Variants in C19orf12 observed in about 807,000 individuals in gnomAD.
The protein encoded by C19orf12 is protein C19orf12.
In C19orf12, 2 loss-of-function variants were observed where a neutral mutation model predicts 3.8. The observed-to-expected ratio is 0.53, with a 90% CI of 0.22 to 1.66. C19orf12 has a LOEUF of 1.66. C19orf12 is among the 40% of genes most tolerant of loss of function. The probability of loss-of-function intolerance (pLI) is 0.20; values close to 1 mark genes in which losing one functional copy is unlikely to be tolerated. For missense variants in C19orf12, 156 were observed against 188.8 expected, an observed-to-expected ratio of 0.83 and a Z score of 1.02; for synonymous variants, 89 against 84.6, an observed-to-expected ratio of 1.05 and a Z score of -0.28.
chr19:29,702,789 G>A lies in C19orf12; in HGVS notation c.349C>T (p.Leu117=), dbSNP rs749110864. Residue 117 remains leucine, a synonymous_variant, in exon 3 of 3, where the codon CTG becomes TTG. Coordinates refer to ENST00000323670, the MANE Select transcript of C19orf12 (RefSeq NM_031448.6). Reference sequence around the variant, plus strand: ...AGCATGGCCAGCAGCTGCTGCTGCAGGGCCTCGCTGCCCATGACCAGCGCG... The same window carrying A: ...AGCATGGCCAGCAGCTGCTGCTGCAAGGCCTCGCTGCCCATGACCAGCGCG... ...LTALVMGSEA[L]QQQLLAMLVN... 1 of 1,613,852 alleles carries A rather than the reference G, an allele frequency of 6.2e-7. No homozygotes were observed. Among genetic ancestry groups the A allele is most frequent in the Non-Finnish European group, 8.5e-7 (1 of 1,179,910 alleles).
At chr19:29,708,191 G>A (rs1972477980) in intron 2 of C19orf12, 63 bp downstream of exon 2, 1 of 1,596,104 alleles carries the variant, frequency 6.3e-7, no homozygotes, top group Admixed American at 1.7e-5. Context: ...TTCTCCCTGT[G>A]TTTCAACGGC....
rs1414834903 is a variant in C19orf12, at chr19:29,707,148, G to C, written c.160+1106C>G. Among the ~76,000 whole-genome samples, 13 of 152,318 alleles carry C rather than the reference G, an allele frequency of 8.5e-5. No individual in the cohort carries two copies. The East Asian group carries it at 2.5e-3, about 29-fold the overall frequency. ...CAGGCGGGTGGATCGCTTGTGGCCA[G>C]GAGTTTGAGACCAGCCTGGCCAAAA... On this transcript the variant is annotated intron_variant, in intron 2 of 2. Coordinates refer to ENST00000323670, the MANE Select transcript of C19orf12 (RefSeq NM_031448.6).
intron 1 of C19orf12, among the ~76,000 whole-genome samples, chr19:29,710,600 A>G (rs1234388459): frequency 6.6e-6 from 1 of 152,182 alleles, no homozygotes; most frequent in Non-Finnish European, 1.5e-5. Flanking sequence ...AAGCACCCCT[A>G]GATATGTCTT....
chr19:29,712,925 G>A (rs1972760306), intron 1 of C19orf12, among the ~76,000 whole-genome samples: 1 of 152,200 alleles, frequency 6.6e-6, no homozygotes, highest in Non-Finnish European at 1.5e-5. Context: ...CGTGTGTGAG[G>A]GCAGGCAGAG....
At chr19:29,715,596 C>T (rs1972918990), upstream of C19orf12, 1 of 211,594 alleles carries the variant, frequency 4.7e-6, no homozygotes, top group African/African-American at 2.4e-5. Flanking sequence ...TCCCGGAGAC[C>T]TCCCTCCCTT....
intron 2 of C19orf12, 125 bp from the exon 3 acceptor site, chr19:29,703,102 C>G (rs1484891474): frequency 1.1e-4 from 148 of 1,316,378 alleles, no homozygotes; most frequent in Non-Finnish European, 1.1e-6. Context: ...CTGCAGCGGG[C>G]TCAGCCGGTG....
rs766939148 is a variant in C19orf12, at chr19:29,702,968, A to G, written c.170T>C (p.Val57Ala). The G allele has an allele frequency of 8.7e-6, 14 of 1,604,314 alleles. No homozygotes were observed. Among genetic ancestry groups the G allele is most frequent in the Non-Finnish European group, 1.2e-5 (14 of 1,171,832 alleles). The change falls in exon 3 of 3, where the codon GTC becomes GCC. Residue 57 changes from valine to alanine, a missense_variant. By Grantham distance (64) the Val-to-Ala change is moderately conservative. Coordinates refer to ENST00000323670, the MANE Select transcript of C19orf12 (RefSeq NM_031448.6). ...CATCCAGGCACCTAACAGCCCCCCG[A>G]CAGCCCCCCCTAGAAAACATGGAAT... ...GPPGLAVGGA[V>A]GGLLGAWMTS... is the part of the protein sequence containing the mutation.
chr19:29,703,061 A>T, intron 2 of C19orf12, 84 bp from the exon 3 acceptor site: 4 of 1,571,150 alleles, frequency 2.5e-6, no homozygotes, highest in Non-Finnish European at 3.5e-6. Context: ...GCACACCACC[A>T]TCACCATGAG....
intron 1 of C19orf12, among the ~76,000 whole-genome samples, chr19:29,713,641 T>G (rs922353828): frequency 6.6e-6 from 1 of 152,204 alleles, no homozygotes; most frequent in Non-Finnish European, 1.5e-5. Flanking sequence ...CAAACAGTTT[T>G]GGATTAGCTC....
Position 29,708,541 on chromosome 19 carries a change from G to A in C19orf12, c.-10-118C>T, listed in dbSNP as rs765288196. 6.2e-5 allele frequency: 81 copies of A among 1,307,176 alleles called. 1 individual carries two copies. Among genetic ancestry groups the A allele is most frequent in the Non-Finnish European group, 8.5e-5 (79 of 924,254 alleles). The allele number at this position is 1,307,176 out of a possible 1,614,324, so 81.0% of individuals were successfully genotyped here. Reference sequence around the variant, plus strand: ...TCCCCCTTTTCAGGAAAGCTCAGCAGCTCCAAGCGCCTGTATGACAGACAG... The same window carrying A: ...TCCCCCTTTTCAGGAAAGCTCAGCAACTCCAAGCGCCTGTATGACAGACAG... On this transcript the variant is annotated intron_variant, in intron 1 of 2. Coordinates refer to ENST00000323670, the MANE Select transcript of C19orf12 (RefSeq NM_031448.6).
In C19orf12 at chr19:29,705,984, G is replaced by A. The variant is rs113499951; in HGVS notation, c.160+2270C>T. On this transcript the variant is annotated intron_variant, in intron 2 of 2. Coordinates refer to ENST00000323670, the MANE Select transcript of C19orf12 (RefSeq NM_031448.6). ...TTTCAAAAATGCAACCCAGGCCAGA[G>A]AGAACCCACTGGCAGGCTGGACTCA... Among the ~76,000 whole-genome samples the A allele has an allele frequency of 9.6e-3, 1,469 of 152,314 alleles. 24 individuals carry two copies. The highest frequency in any genetic ancestry group is 0.034 in the African/African-American group (1,405 of 41,552).
chr19:29,710,174 G>A (rs1367249121), intron 1 of C19orf12, among the ~76,000 whole-genome samples: 1 of 152,122 alleles, frequency 6.6e-6, no homozygotes, highest in Non-Finnish European at 1.5e-5. Flanking sequence ...CCAGACATGT[G>A]TGCTTTTCTG....
In C19orf12 at chr19:29,701,533, G is replaced by T. The variant is rs1179696477; in HGVS notation, c.*1179C>A. On this transcript the variant is annotated 3_prime_UTR_variant, in exon 3 of 3. Coordinates refer to ENST00000323670, the MANE Select transcript of C19orf12 (RefSeq NM_031448.6). ...CTTTTTTCAAATATTTCCTATCCAA[G>T]GCTGGTTGGATCTAAATGTGGAGAC... 1 of 454,058 alleles carries T rather than the reference G, an allele frequency of 2.2e-6. No homozygotes were observed. Among genetic ancestry groups the T allele is most frequent in the Non-Finnish European group, 4.4e-6 (1 of 226,794 alleles). The allele number at this position is 454,058 out of a possible 1,614,324, so 28.1% of individuals were successfully genotyped here. A position where few individuals can be genotyped will look rare whatever the true frequency, so the allele number is the denominator to read the frequency against.
chr19:29,702,964 C>A lies in C19orf12; in HGVS notation c.174G>T (p.Gly58=), dbSNP rs924537910. 2.5e-6 allele frequency: 4 copies of A among 1,613,848 alleles called. No individual in the cohort carries two copies. The highest frequency in any genetic ancestry group is 3.4e-6 in the Non-Finnish European group (4 of 1,179,752). ...PPGLAVGGAV[G]GLLGAWMTSG... ...TTGTCATCCAGGCACCTAACAGCCC[C>A]CCGACAGCCCCCCCTAGAAAACATG... The change falls in exon 3 of 3, where the codon GGG becomes GGT. Residue 58 remains glycine, a synonymous_variant. Transcript: ENST00000323670.
rs1006302304 is a variant in C19orf12 at position 29,700,338 on chromosome 19, A to G, written c.*2374T>C. Reference sequence around the variant, plus strand: ...TTCAACATGGAAAAAGTGTCCCCCAACTTTGAAGCACTGAACCAAACATCT... The same window carrying G: ...TTCAACATGGAAAAAGTGTCCCCCAGCTTTGAAGCACTGAACCAAACATCT... On this transcript the variant is annotated 3_prime_UTR_variant, in exon 3 of 3. Transcript: ENST00000323670. 4 of 453,964 alleles carry G rather than the reference A, an allele frequency of 8.8e-6. No homozygotes were observed. The highest frequency in any genetic ancestry group is 2.3e-5 in the Admixed American group (1 of 42,554). The allele number at this position is 453,964 out of a possible 1,614,324, so 28.1% of individuals were successfully genotyped here. A position where few individuals can be genotyped will look rare whatever the true frequency, so the allele number is the denominator to read the frequency against.
intron 2 of C19orf12, 116 bp downstream of exon 2, chr19:29,708,138 C>T: frequency 6.8e-7 from 1 of 1,480,874 alleles, no homozygotes; most frequent in Non-Finnish European, 9.3e-7. Context: ...CTCGGCCTCC[C>T]AAAGTGCTGG....
Position 29,702,310 on chromosome 19 carries a change from A to C in C19orf12, c.*402T>G. ...TCCAGTCCTGCAGCAGGTGCTCTGAAGAGGAGTCATCTCCCAAGATGAGAA... is the reference window on the plus strand; with the variant it reads ...TCCAGTCCTGCAGCAGGTGCTCTGACGAGGAGTCATCTCCCAAGATGAGAA... On this transcript the variant is annotated 3_prime_UTR_variant, in exon 3 of 3. Coordinates refer to ENST00000323670, the MANE Select transcript of C19orf12 (RefSeq NM_031448.6). 1 of 463,786 alleles carries C rather than the reference A, an allele frequency of 2.2e-6. No individual in the cohort carries two copies. The highest frequency in any genetic ancestry group is 4.3e-6 in the Non-Finnish European group (1 of 233,682). 28.7% of individuals were successfully genotyped at this position (463,786 alleles called of 1,614,324 possible). A position where few individuals can be genotyped will look rare whatever the true frequency, so the allele number is the denominator to read the frequency against.
At chr19:29,708,672 C>T in intron 1 of C19orf12, 1 of 556,626 alleles carries the variant, frequency 1.8e-6, no homozygotes, top group Non-Finnish European at 3.3e-6. Flanking sequence ...CTCTGATTAA[C>T]TTCTGACTTA....
Position 29,702,859 on chromosome 19 carries a change from T to C in C19orf12, c.279A>G (p.Ala93=). 6.2e-7 allele frequency: 1 copy of C among 1,614,178 alleles called. No homozygotes were observed. Among genetic ancestry groups the C allele is most frequent in the Non-Finnish European group, 8.5e-7 (1 of 1,180,024 alleles). The change falls in exon 3 of 3, where the codon GCA becomes GCG. Residue 93 remains alanine, a synonymous_variant. Transcript: ENST00000323670. The part of the protein sequence containing the change: ...AEQQRLFNEA[A]AIIRHLEWTD... ...TCCACTCCAGGTGCCTGATGATGGC[T>C]GCGGCTTCGTTAAAGAGCCTCTGTT...
Sources: allele counts gnomAD v4.1 joint callset (sites outside exome capture counted in the v4.1 genomes callset), GRCh38; gene constraint gnomAD v4.1.1; transcripts MANE v1.5; gene names NCBI Gene and HGNC (gene_info 2026-07-23, HGNC 2026-07-21).